Variants in PDE4D observed in about 807,000 individuals in gnomAD.
The protein encoded by PDE4D is 3',5'-cyclic-AMP phosphodiesterase 4D.
Under a neutral mutation model 87.4 loss-of-function variants are expected in PDE4D, and 24 were observed. The ratio of observed to expected loss-of-function variants is 0.27; its 90% CI spans 0.20 to 0.39. The LOEUF (loss-of-function observed/expected upper bound fraction) is 0.39. PDE4D is among the 10% of genes least tolerant of loss of function. PDE4D has a pLI of 1.00. For missense variants in PDE4D, 714 were observed against 1,041.0 expected (o/e 0.69, Z 4.32); for synonymous variants, 384 against 383.2 (o/e 1.00, Z -0.02).
chr5:59,079,612 G>A (rs73093337), intron 5 of PDE4D, among the ~76,000 whole-genome samples: 4,338 of 151,608 alleles, frequency 0.029, 180 homozygotes, highest in African/African-American at 0.091. Context: ...AATTGCTTGA[G>A]GCCAGGAGTT....
intron 1 of PDE4D, among the ~76,000 whole-genome samples, chr5:59,425,674 A>G (rs906214758): frequency 3.9e-5 from 6 of 152,174 alleles, no homozygotes; most frequent in Non-Finnish European, 7.4e-5. Flanking sequence ...TTTGATAAAG[A>G]TTTATTGTTT....
intron 1 of PDE4D, among the ~76,000 whole-genome samples, chr5:59,856,442 C>T (rs1313066109): frequency 1.3e-5 from 2 of 152,146 alleles, no homozygotes; most frequent in African/African-American, 4.8e-5. Flanking sequence ...CAGTTAAATG[C>T]ATAAATCTCC....
At chr5:60,018,144 A>G (rs1765703112) in intron 2 of PDE4D, among the ~76,000 whole-genome samples, 1 of 152,072 alleles carries the variant, frequency 6.6e-6, no homozygotes, top group South Asian at 2.1e-4. Context: ...CAGACCTTTC[A>G]GAAGAAACCC....
intron 1 of PDE4D, among the ~76,000 whole-genome samples, chr5:59,463,335 C>G (rs1801061298): frequency 6.6e-6 from 1 of 152,054 alleles, no homozygotes; most frequent in Non-Finnish European, 1.5e-5. Flanking sequence ...AGGTGGTTAA[C>G]CTAGAAAGCT....
chr5:60,135,098 A>C (rs1396050943), intron 2 of PDE4D, among the ~76,000 whole-genome samples: 1 of 152,182 alleles, frequency 6.6e-6, no homozygotes, highest in Admixed American at 6.5e-5. Flanking sequence ...CTAATCACTA[A>C]TGTGATAATA....
chr5:59,590,123 T>C (rs1825714381), intron 1 of PDE4D, among the ~76,000 whole-genome samples: 1 of 152,126 alleles, frequency 6.6e-6, no homozygotes, highest in South Asian at 2.1e-4. Flanking sequence ...GCTTAGAAAA[T>C]AGAAATAACT....
chr5:59,722,367 C>T (rs1755967060), intron 1 of PDE4D, among the ~76,000 whole-genome samples: 1 of 152,140 alleles, frequency 6.6e-6, no homozygotes, highest in South Asian at 2.1e-4. Context: ...TTTAAAAGGA[C>T]AATTTAGGCT....
intron 1 of PDE4D, among the ~76,000 whole-genome samples, chr5:59,405,594 T>C (rs1487174323): frequency 6.6e-6 from 1 of 151,932 alleles, no homozygotes; most frequent in Non-Finnish European, 1.5e-5. Context: ...CAAGGGGTAA[T>C]GGACATCCCT....
chr5:59,720,709 A>G (rs962046959), intron 1 of PDE4D, among the ~76,000 whole-genome samples: 8 of 152,198 alleles, frequency 5.3e-5, no homozygotes, highest in Middle Eastern at 3.2e-3. Context: ...CCATCATTAA[A>G]GACAAGGAAC....
chr5:58,977,477 C>A, intron 11 of PDE4D, 132 bp from the exon 12 acceptor site: 6 of 743,916 alleles, frequency 8.1e-6, no homozygotes, highest in Non-Finnish European at 1.3e-5. Flanking sequence ...CTGACAATAT[C>A]CAGGAGAGAA....
At chr5:59,741,343 T>G (rs549707330) in intron 1 of PDE4D, among the ~76,000 whole-genome samples, 6 of 152,308 alleles carry the variant, frequency 3.9e-5, no homozygotes, top group Non-Finnish European at 8.8e-5. Flanking sequence ...TGCCCTGCCT[T>G]GTCTTTCTGT....
chr5:59,302,878 C>A (rs565765368), intron 1 of PDE4D, among the ~76,000 whole-genome samples: 38 of 152,190 alleles, frequency 2.5e-4, no homozygotes, highest in Non-Finnish European at 4.4e-4. Flanking sequence ...ATAATGACTT[C>A]TTTTCCTCTG....
intron 1 of PDE4D, among the ~76,000 whole-genome samples, chr5:60,226,722 TTTC>T (rs897980744): frequency 6.6e-6 from 1 of 151,700 alleles, no homozygotes; most frequent in Admixed American, 6.6e-5. Flanking sequence ...GTGGTACTGG[TTTC>T]TTCTTCTGTT....
Position 59,870,173 on chromosome 5 carries a change from A to G in PDE4D, c.455+22995T>C, listed in dbSNP as rs141315532. Among the ~76,000 whole-genome samples the G allele has an allele frequency of 5.8e-4, 89 of 152,364 alleles. 4 individuals carry two copies. The highest frequency in any genetic ancestry group is 2.1e-3 in the African/African-American group (86 of 41,600). On this transcript the variant is annotated intron_variant, in intron 1 of 14. Transcript: ENST00000340635. ...AAGGAACATTTCTTCTTTTGCATTA[A>G]TGAGAGCAAATTATTTAATAAATTG...
intron 1 of PDE4D, among the ~76,000 whole-genome samples, chr5:59,267,774 AG>A (rs1763090307): frequency 6.6e-6 from 1 of 152,090 alleles, no homozygotes; most frequent in South Asian, 2.1e-4. Flanking sequence ...GCTTCCTATA[AG>A]GGTACTTTGG....
intron 1 of PDE4D, among the ~76,000 whole-genome samples, chr5:59,564,818 G>A (rs938285081): frequency 2.0e-5 from 3 of 152,118 alleles, no homozygotes; most frequent in Non-Finnish European, 4.4e-5. Context: ...CTTGAGGAGC[G>A]ATGTTTGAAA....
At chr5:59,226,067 C>T (rs1298227772) in intron 1 of PDE4D, among the ~76,000 whole-genome samples, 1 of 151,560 alleles carries the variant, frequency 6.6e-6, no homozygotes, top group Admixed American at 6.6e-5. Flanking sequence ...TAAAGTGATG[C>T]CACTACTATA....
chr5:60,493,414 A>G (rs1417145255), intron 1 of PDE4D, among the ~76,000 whole-genome samples: 10 of 152,242 alleles, frequency 6.6e-5, no homozygotes, highest in Admixed American at 5.9e-4. Context: ...AATATGAGCT[A>G]TGTTGAAGCG....
At chr5:59,681,849 C>T (rs1418459004) in intron 1 of PDE4D, among the ~76,000 whole-genome samples, 3 of 142,014 alleles carry the variant, frequency 2.1e-5, no homozygotes, top group Non-Finnish European at 3.0e-5. Context: ...TGCAGTGAGC[C>T]GAGGCGGAGT....
Sources: allele counts gnomAD v4.1 joint callset (sites outside exome capture counted in the v4.1 genomes callset), GRCh38; gene constraint gnomAD v4.1.1; transcripts MANE v1.5; gene names NCBI Gene and HGNC (gene_info 2026-07-23, HGNC 2026-07-21).